The following ZC3H4 variants were observed in gnomAD, a reference collection of about 807,000 sequenced individuals.
ZC3H4 encodes zinc finger CCCH-type containing 4, also known as zinc finger CCCH domain-containing protein 4.
In ZC3H4, 13 loss-of-function variants were observed where a neutral mutation model predicts 108.3. The observed-to-expected ratio is 0.12, with a 90% CI of 0.08 to 0.19. The LOEUF is 0.19. ZC3H4 is among the 10% of genes least tolerant of loss of function. The probability of loss-of-function intolerance (pLI) is 1.00; values close to 1 mark genes in which losing one functional copy is unlikely to be tolerated. For missense variants in ZC3H4, 1,734 were observed against 1,838.8 expected, an observed-to-expected ratio of 0.94 and a Z score of 1.04; for synonymous variants, 917 against 749.6, an observed-to-expected ratio of 1.22 and a Z score of -3.65.
chr19:47,109,253 C>G (rs2123111794), intron 2 of ZC3H4, among the ~76,000 whole-genome samples: 1 of 152,270 alleles, frequency 6.6e-6, no homozygotes, highest in Non-Finnish European at 1.5e-5. Flanking sequence ...GATGAGATTT[C>G]TTTGAGAATG....
At position 47,072,514 on chromosome 19, in the gene ZC3H4, G is replaced by A. The variant is rs2122728174; in HGVS notation, c.1640C>T (p.Pro547Leu). 2 of 1,351,326 alleles carry A rather than the reference G, an allele frequency of 1.5e-6. No homozygotes were observed. Among genetic ancestry groups the A allele is most frequent in the South Asian group, 1.4e-5 (1 of 73,052 alleles). 83.7% of individuals were successfully genotyped at this position (1,351,326 alleles called of 1,614,324 possible). Residue 547 changes from proline to leucine, a missense_variant, in exon 12 of 15, where the codon CCC (proline) becomes CTC (leucine). Around this residue, in one of 9 missense-constraint regions of ZC3H4, gnomAD observed 75 missense variants for 85.8 expected, o/e 0.87. Transcript: ENST00000253048. This position sits in a 1 kb window ranked among gnomAD's most constrained non-coding sequence, Gnocchi z 5.6. The stretch of plus-strand genomic sequence containing the variant: ...AGGGGGCCCGGGCGGTGGGGGAGGG[G>A]GAGGGGGCGGGGGCGGGGGGCCACC... Reference protein sequence around the residue: ...MQGGPPPPPPPPPPPPGPPQM... With the variant: ...MQGGPPPPPPLPPPPPGPPQM...
intron 2 of ZC3H4, among the ~76,000 whole-genome samples, chr19:47,103,719 G>A (rs1209213903): frequency 1.4e-5 from 2 of 139,702 alleles, no homozygotes; most frequent in Non-Finnish European, 3.0e-5. Flanking sequence ...GAGGTCAGGA[G>A]ATTTAGACCA....
chr19:47,094,303 G>T, intron 3 of ZC3H4, 86 bp downstream of exon 3: 1 of 1,455,512 alleles, frequency 6.9e-7, no homozygotes, highest in Non-Finnish European at 9.6e-7. Flanking sequence ...AGTGCCCTCT[G>T]GGGTGGACAG....
chr19:47,112,468 G>T lies in ZC3H4; in HGVS notation c.117C>A (p.Ala39=). 1 of 1,207,854 alleles carries T rather than the reference G, an allele frequency of 8.3e-7. No homozygotes were observed. The highest frequency in any genetic ancestry group is 4.1e-5 in the South Asian group (1 of 24,442). 74.8% of individuals were successfully genotyped at this position (1,207,854 alleles called of 1,614,324 possible). The change falls in exon 2 of 15, where the codon GCC becomes GCA. Residue 39 remains alanine (A), a synonymous_variant. Transcript: ENST00000253048. ...GGCGGTGGTGGAGGAGGTGCGGGGT[G>T]GCCGGGCGGGCGTCGGGGGAACACG... ...PPPCSPDARP[A]TPHLLHHRLP... is the part of the protein sequence containing the mutation.
intron 11 of ZC3H4, among the ~76,000 whole-genome samples, chr19:47,073,395 C>A (rs1231889394): frequency 6.6e-6 from 1 of 152,030 alleles, no homozygotes; most frequent in Non-Finnish European, 1.5e-5. Flanking sequence ...CATGGTGAAA[C>A]CCCATCTCTA....
chr19:47,102,963 A>G (rs992807695), intron 2 of ZC3H4, among the ~76,000 whole-genome samples: 5 of 152,124 alleles, frequency 3.3e-5, no homozygotes, highest in Non-Finnish European at 7.3e-5. Flanking sequence ...AAACAGGCTG[A>G]CCGTGAAAAA....
chr19:47,085,231 A>ACC, intron 7 of ZC3H4, 36 bp from the exon 8 acceptor site: 1 of 1,560,394 alleles, frequency 6.4e-7, no homozygotes, highest in Non-Finnish European at 8.7e-7. Context: ...CCTGCTGACC[A>ACC]CCCCCTCCCC....
chr19:47,064,461 G>C lies in ZC3H4; in HGVS notation c.*1895C>G, dbSNP rs1246372980. 6.6e-6 allele frequency: 1 copy of C among 152,404 alleles called. No homozygotes were observed. The highest frequency in any genetic ancestry group is 2.4e-5 in the African/African-American group (1 of 41,406). The allele number at this position is 152,404 out of a possible 1,614,324, so 9.4% of individuals were successfully genotyped here. A position where few individuals can be genotyped will look rare whatever the true frequency, so the allele number is the denominator to read the frequency against. ...GGCCTGATGGCAAATGAGAATTTCG[G>C]GTGAATTCATAGTCCTATGAGGTTC... On this transcript the variant is annotated 3_prime_UTR_variant, in exon 15 of 15. Transcript: ENST00000253048.
At chr19:47,081,747 C>T (rs1044995032) in intron 10 of ZC3H4, 125 bp from the exon 11 acceptor site, 28 of 844,512 alleles carry the variant, frequency 3.3e-5, no homozygotes, top group African/African-American at 3.2e-4. Context: ...AGAGGTGAGG[C>T]GATGTGCTAA....
At chr19:47,076,311 G>A (rs1459757513) in intron 11 of ZC3H4, among the ~76,000 whole-genome samples, 1 of 89,952 alleles carries the variant, frequency 1.1e-5, no homozygotes, top group Non-Finnish European at 2.5e-5. Context: ...ACACATGCAC[G>A]CGTGCGCGCG....
chr19:47,082,266 G>C lies in ZC3H4; in HGVS notation c.1248C>G (p.Ile416Met). Residue 416 changes from isoleucine (I) to methionine (M), a missense_variant, in exon 10 of 15, where the codon ATC (isoleucine) becomes ATG (methionine). By Grantham distance (10) the Ile-to-Met change is conservative. Coordinates refer to ENST00000253048, the MANE Select transcript of ZC3H4 (RefSeq NM_015168.2). ...WGDHCNFSHD[I>M]ELPKKRELCK... The stretch of plus-strand genomic sequence containing the variant: ...ACAGTTCTCGCTTCTTTGGGAGTTC[G>C]ATGTCATGGCTAAAATTACAGTGGT... The C allele has an allele frequency of 6.2e-7, 1 of 1,614,000 alleles. No individual in the cohort carries two copies. Among genetic ancestry groups the C allele is most frequent in the Non-Finnish European group, 8.5e-7 (1 of 1,179,904 alleles).
chr19:47,110,456 T>C (rs1370252020), intron 2 of ZC3H4, among the ~76,000 whole-genome samples: 1 of 152,118 alleles, frequency 6.6e-6, no homozygotes, highest in African/African-American at 2.4e-5. Flanking sequence ...TACGTCAAAT[T>C]TTAAAAATTA....
At chr19:47,081,478 C>T in intron 11 of ZC3H4, 35 bp downstream of exon 11, 1 of 1,565,754 alleles carries the variant, frequency 6.4e-7, no homozygotes, top group Non-Finnish European at 8.8e-7. Context: ...GTCCCAGTTC[C>T]TGTAGCCGGG....
intron 5 of ZC3H4, among the ~76,000 whole-genome samples, chr19:47,089,100 G>T (rs10422701): frequency 2.6e-5 from 4 of 151,214 alleles, no homozygotes; most frequent in Admixed American, 6.6e-5. Context: ...CAGCTACTCA[G>T]GAGGCTGAGG....
chr19:47,103,528 A>C (rs532397724), intron 2 of ZC3H4, among the ~76,000 whole-genome samples: 1 of 152,214 alleles, frequency 6.6e-6, no homozygotes, highest in East Asian at 1.9e-4. Flanking sequence ...TCATACCTGT[A>C]ATCTCATTAC....
At chr19:47,091,223 GACTGCACC>G (rs2057726430) in intron 4 of ZC3H4, among the ~76,000 whole-genome samples, 1 of 152,044 alleles carries the variant, frequency 6.6e-6, no homozygotes, top group South Asian at 2.1e-4. Flanking sequence ...AGTGAGCAGA[GACTGCACC>G]ACTGCACTCC....
rs142097634 is a variant in ZC3H4 at position 47,070,443 on chromosome 19, A to G, written c.2147-1100T>C. On this transcript the variant is annotated intron_variant, in intron 13 of 14. Coordinates refer to ENST00000253048, the MANE Select transcript of ZC3H4 (RefSeq NM_015168.2). ...ACACACCAGAAACCAATGACCATAC[A>G]TGTTAGAGGGAGGATTTTATGAAAT... Among the ~76,000 whole-genome samples, 682 of 152,198 alleles carry G rather than the reference A, an allele frequency of 4.5e-3. 8 individuals carry two copies. Among genetic ancestry groups the G allele is most frequent in the African/African-American group, 0.016 (649 of 41,512 alleles).
intron 14 of ZC3H4, 151 bp from the exon 15 acceptor site, chr19:47,068,020 G>A: frequency 1.3e-6 from 1 of 776,446 alleles, no homozygotes; most frequent in African/African-American, 1.7e-5. Flanking sequence ...CCCACAGTGG[G>A]CGGCTGAGGA....
At chr19:47,079,380 CTT>C (rs546892078) in intron 11 of ZC3H4, among the ~76,000 whole-genome samples, 67 of 134,764 alleles carry the variant, frequency 5.0e-4, no homozygotes, top group Non-Finnish European at 3.4e-4. Context: ...TTTCTTTTTA[CTT>C]TTTTTTTTTT....
Sources: allele counts gnomAD v4.1 joint callset (sites outside exome capture counted in the v4.1 genomes callset), GRCh38; gene constraint gnomAD v4.1.1; regional missense constraint gnomAD v4.1.1; non-coding constraint Gnocchi (gnomAD v3.1); transcripts MANE v1.5; gene names NCBI Gene and HGNC (gene_info 2026-07-23, HGNC 2026-07-21).